The following MROH9 variants were observed in gnomAD, a reference collection of about 807,000 sequenced individuals.
The protein encoded by MROH9 is maestro heat like repeat family member 9, also known as maestro heat-like repeat-containing protein family member 9.
A neutral mutation model predicts 98.2 loss-of-function variants in MROH9; 92 were observed. The observed-to-expected ratio is 0.94, with a 90% confidence interval of 0.79 to 1.11. The LOEUF is 1.11. Ranked by LOEUF, MROH9 falls within the 50% of genes most tolerant of loss-of-function variation. The pLI is 0.00. For synonymous variants in MROH9, 397 were observed against 368.9 expected, an observed-to-expected ratio of 1.08 and a Z score of -0.87; for missense variants, 1,057 against 1,014.8, an observed-to-expected ratio of 1.04 and a Z score of -0.57.
In MROH9 at chr1:171,025,387, A is replaced by G. The variant is rs1652674047; in HGVS notation, c.2248A>G (p.Thr750Ala). The change falls in exon 20 of 22, where the codon ACA becomes GCA. Residue 750 changes from threonine to alanine, a missense_variant. Coordinates refer to ENST00000367759, the MANE Select transcript of MROH9 (RefSeq NM_001163629.2). The part of the protein sequence containing the change: ...DTLRFLWSPR[T>A]YLKRASVILI... ...CTTACGATTCCTGTGGAGCCCCAGA[A>G]CATATCTTAAGAGGGCATCGGTTAT... is the stretch of plus-strand genomic sequence containing the variant. 1 of 1,549,610 alleles carries G rather than the reference A, an allele frequency of 6.5e-7. No individual in the cohort carries two copies. The highest frequency in any genetic ancestry group is 2.4e-5 in the East Asian group (1 of 40,888).
intron 15 of MROH9, among the ~76,000 whole-genome samples, chr1:171,012,704 C>T (rs1320543353): frequency 2.6e-5 from 4 of 151,970 alleles, no homozygotes; most frequent in Non-Finnish European, 5.9e-5. Flanking sequence ...GGGGTTTCAC[C>T]ATGTTATCCA....
At chr1:171,045,085 T>C (rs1653428304) in intron 20 of MROH9, among the ~76,000 whole-genome samples, 1 of 137,298 alleles carries the variant, frequency 7.3e-6, no homozygotes, top group Non-Finnish European at 1.5e-5. Flanking sequence ...CACTGCAAGC[T>C]CCACCTCCTG....
At chr1:170,967,816 T>C (rs1650290687) in intron 7 of MROH9, among the ~76,000 whole-genome samples, 1 of 151,986 alleles carries the variant, frequency 6.6e-6, no homozygotes, top group East Asian at 1.9e-4. Flanking sequence ...GTTAAGCATG[T>C]CAACTTATAG....
intron 21 of MROH9, 122 bp downstream of exon 21, chr1:171,062,316 G>A: frequency 1.5e-6 from 1 of 650,190 alleles, no homozygotes; most frequent in Non-Finnish European, 2.7e-6. Context: ...GGTGGTGGTA[G>A]TAGTAGTTGG....
At chr1:170,988,396 GGT>G (rs558776245) in intron 10 of MROH9, among the ~76,000 whole-genome samples, 6 of 152,174 alleles carry the variant, frequency 3.9e-5, no homozygotes, top group Non-Finnish European at 8.8e-5. Flanking sequence ...CACAGGGAAA[GGT>G]GAAGGGCAAG....
chr1:170,988,603 AC>A (rs1486561788), intron 10 of MROH9, among the ~76,000 whole-genome samples: 1 of 152,160 alleles, frequency 6.6e-6, no homozygotes, highest in Non-Finnish European at 1.5e-5. Flanking sequence ...TCAATTTATG[AC>A]CCAACCCCAG....
intron 20 of MROH9, among the ~76,000 whole-genome samples, chr1:171,049,979 G>A (rs1255487104): frequency 6.6e-6 from 1 of 152,132 alleles, no homozygotes; most frequent in Non-Finnish European, 1.5e-5. Flanking sequence ...ACCATGCCTG[G>A]ACTATTTTCT....
chr1:171,057,020 T>C (rs1653858358), intron 20 of MROH9, among the ~76,000 whole-genome samples: 1 of 152,128 alleles, frequency 6.6e-6, no homozygotes, highest in Non-Finnish European at 1.5e-5. Flanking sequence ...AAAGAATCAA[T>C]GACAAAATGC....
chr1:171,057,583 C>T (rs1011489612), intron 20 of MROH9, among the ~76,000 whole-genome samples: 7 of 152,140 alleles, frequency 4.6e-5, no homozygotes, highest in Admixed American at 1.3e-4. Context: ...CCTAGCAATA[C>T]AGGCCAACAT....
chr1:170,991,166 T>C (rs1651340550), intron 11 of MROH9, among the ~76,000 whole-genome samples: 1 of 152,172 alleles, frequency 6.6e-6, no homozygotes, highest in Non-Finnish European at 1.5e-5. Context: ...GCAGGCATAA[T>C]TTGTTAGGTG....
intron 20 of MROH9, among the ~76,000 whole-genome samples, chr1:171,058,322 G>A (rs944866381): frequency 6.7e-6 from 1 of 150,078 alleles, no homozygotes; most frequent in Non-Finnish European, 1.5e-5. Flanking sequence ...TACAAACCAC[G>A]GGTCAAGGAA....
intron 8 of MROH9, among the ~76,000 whole-genome samples, chr1:170,980,272 T>C (rs1470194064): frequency 1.3e-5 from 2 of 152,036 alleles, no homozygotes; most frequent in Non-Finnish European, 2.9e-5. Flanking sequence ...AAAGACCCCG[T>C]AGAGCCAAGA....
intron 17 of MROH9, among the ~76,000 whole-genome samples, chr1:171,018,360 C>CAA (rs59253795): frequency 7.3e-6 from 1 of 136,702 alleles, no homozygotes; most frequent in Non-Finnish European, 1.6e-5. Flanking sequence ...ACAGCACCAA[C>CAA]AAAAAAAAAA....
At chr1:171,060,973 G>A (rs1653992856) in intron 20 of MROH9, among the ~76,000 whole-genome samples, 1 of 152,114 alleles carries the variant, frequency 6.6e-6, no homozygotes, top group Admixed American at 6.5e-5. Context: ...TGTAAGATAT[G>A]CACCATTTTA....
chr1:170,982,157 C>A (rs1381182280), intron 8 of MROH9, among the ~76,000 whole-genome samples: 9 of 152,128 alleles, frequency 5.9e-5, no homozygotes, highest in Admixed American at 5.9e-4. Context: ...GTTCATAACA[C>A]CATTATTTGT....
At position 171,000,130 on chromosome 1, in the gene MROH9, G is replaced by T. The variant is rs550884242; in HGVS notation, c.1596+1856G>T. On this transcript the variant is annotated intron_variant, in intron 15 of 21. Coordinates refer to ENST00000367759, the MANE Select transcript of MROH9 (RefSeq NM_001163629.2). ...TGTGAAGATTTTCTCCCACTCTGTGGGTTGTCTGTTTACTCTGCTGACTAT... is the reference window on the plus strand; with the variant it reads ...TGTGAAGATTTTCTCCCACTCTGTGTGTTGTCTGTTTACTCTGCTGACTAT... 5.4e-4 allele frequency among the ~76,000 whole-genome samples: 81 copies of T among 151,298 alleles called. No homozygotes were observed. The South Asian group carries it at 0.015, about 28-fold the overall frequency.
intron 2 of MROH9, 35 bp downstream of exon 2, chr1:170,945,616 G>C: frequency 1.9e-6 from 3 of 1,591,576 alleles, no homozygotes; most frequent in Non-Finnish European, 2.6e-6. Flanking sequence ...ATGGGAGAAG[G>C]TATTTTTGTG....
chr1:170,986,223 C>A (rs1362402407), intron 9 of MROH9, among the ~76,000 whole-genome samples: 1 of 152,154 alleles, frequency 6.6e-6, no homozygotes. Context: ...CCTCCTGCAT[C>A]TTCTGCTTTC....
intron 20 of MROH9, among the ~76,000 whole-genome samples, chr1:171,026,801 T>C (rs1208131473): frequency 6.6e-6 from 1 of 152,160 alleles, no homozygotes; most frequent in Non-Finnish European, 1.5e-5. Context: ...ATGAAAGTTA[T>C]GATAAATATT....
Sources: allele counts gnomAD v4.1 joint callset (sites outside exome capture counted in the v4.1 genomes callset), GRCh38; gene constraint gnomAD v4.1.1; transcripts MANE v1.5; gene names NCBI Gene and HGNC (gene_info 2026-07-23, HGNC 2026-07-21).